The following ADARB2 variants were observed in gnomAD, a reference collection of about 807,000 sequenced individuals.
ADARB2 encodes inactive double-stranded RNA-specific editase B2.
A neutral mutation model predicts 62.2 loss-of-function variants in ADARB2; 25 were observed. That is an observed-to-expected ratio of 0.40 (90% CI 0.29 to 0.56). The LOEUF (loss-of-function observed/expected upper bound fraction) is 0.56, where lower values mean the gene tolerates loss of function less well. Among genes scored for constraint, ADARB2 ranks in the 20% least tolerant of loss-of-function variants. ADARB2 has a pLI of 0.43. For synonymous variants in ADARB2, 572 were observed against 500.8 expected (o/e 1.14, Z -1.90); for missense variants, 1,071 against 1,077.4 (o/e 0.99, Z 0.08).
chr10:1,302,270 C>T (rs532923629), intron 3 of ADARB2, among the ~76,000 whole-genome samples: 4 of 152,282 alleles, frequency 2.6e-5, no homozygotes, highest in African/African-American at 4.8e-5. Flanking sequence ...GGGTGACGGA[C>T]GGCACCTGGA....
Position 1,398,943 on chromosome 10 carries a change from T to G in ADARB2, c.101-19783A>C, listed in dbSNP as rs1243126956. Reference sequence around the variant, plus strand: ...AACCACCGAAGAGCCTTCCAGGGACTTCTAAGAGTGGGCACTTACTTCAGC... The same window carrying G: ...AACCACCGAAGAGCCTTCCAGGGACGTCTAAGAGTGGGCACTTACTTCAGC... On this transcript the variant is annotated intron_variant, in intron 1 of 9. Transcript: ENST00000381312. This position sits in a 1 kb window ranked among gnomAD's most constrained non-coding sequence, Gnocchi z 4.1. Among the ~76,000 whole-genome samples the G allele has an allele frequency of 6.6e-6, 1 of 152,154 alleles. No individual in the cohort carries two copies. Among genetic ancestry groups the G allele is most frequent in the Non-Finnish European group, 1.5e-5 (1 of 68,016 alleles).
At chr10:1,428,902 C>T (rs775257891) in intron 1 of ADARB2, among the ~76,000 whole-genome samples, 1 of 151,862 alleles carries the variant, frequency 6.6e-6, no homozygotes, top group Non-Finnish European at 1.5e-5. Flanking sequence ...CACACACGGA[C>T]AAGGAAACAA....
chr10:1,714,246 G>A (rs11250757), intron 1 of ADARB2, among the ~76,000 whole-genome samples: 19,744 of 152,276 alleles, frequency 0.13, 1,634 homozygotes, highest in Non-Finnish European at 0.18. Context: ...TGCGTTCGCA[G>A]CTGTCATTGT....
chr10:1,317,755 G>GT (rs138170656), intron 3 of ADARB2, among the ~76,000 whole-genome samples: 4,336 of 148,662 alleles, frequency 0.029, 94 homozygotes, highest in Admixed American at 0.047. Flanking sequence ...GTAGGCCTGG[G>GT]GGGGGGTGGG....
rs181749595 is a variant in ADARB2, at chr10:1,487,956, T to C, written c.101-108796A>G. Among the ~76,000 whole-genome samples the C allele has an allele frequency of 6.8e-4, 104 of 152,336 alleles. No homozygotes were observed. In the East Asian group the frequency reaches 9.1e-3, roughly 13 times the overall value. On this transcript the variant is annotated intron_variant, in intron 1 of 9. Transcript: ENST00000381312. ...GAAAGGGAATTTGTTGAATTTACAATGAATTAGAGTCTTTCCATTGTACTA... is the reference window on the plus strand; with the variant it reads ...GAAAGGGAATTTGTTGAATTTACAACGAATTAGAGTCTTTCCATTGTACTA...
At chr10:1,567,347 G>A (rs1832872487) in intron 1 of ADARB2, among the ~76,000 whole-genome samples, 1 of 152,228 alleles carries the variant, frequency 6.6e-6, no homozygotes, top group Non-Finnish European at 1.5e-5. Context: ...GAGCTCGCAG[G>A]CGTGAACCCA....
At chr10:1,628,248 C>T (rs1833796312) in intron 1 of ADARB2, among the ~76,000 whole-genome samples, 2 of 152,192 alleles carry the variant, frequency 1.3e-5, no homozygotes, top group Admixed American at 6.5e-5. Flanking sequence ...GCGAGGGGGC[C>T]TCATCAGTAC....
Position 1,713,463 on chromosome 10 carries a change from T to C in ADARB2, c.100+23588A>G, listed in dbSNP as rs150360436. On this transcript the variant is annotated intron_variant, in intron 1 of 9. Transcript: ENST00000381312. ...TGAAGGAGGTGGGAAAGGAGCCCAG[T>C]GCACTCTTGATAAATACAAACAGAG... Among the ~76,000 whole-genome samples the C allele has an allele frequency of 2.1e-3, 327 of 152,286 alleles. 3 individuals are homozygous for C. The highest frequency in any genetic ancestry group is 1.7e-3 in the Non-Finnish European group (117 of 68,022).
intron 1 of ADARB2, among the ~76,000 whole-genome samples, chr10:1,506,557 G>C (rs1332003726): frequency 2.6e-5 from 4 of 152,228 alleles, no homozygotes; most frequent in Non-Finnish European, 5.9e-5. Context: ...TGCTAAGAAC[G>C]GTAGCTCTAT....
At chr10:1,487,722 G>A (rs1831561454) in intron 1 of ADARB2, among the ~76,000 whole-genome samples, 1 of 152,156 alleles carries the variant, frequency 6.6e-6, no homozygotes, top group Non-Finnish European at 1.5e-5. Flanking sequence ...GCAAAAAGAT[G>A]TTTGTTTTGC....
intron 1 of ADARB2, among the ~76,000 whole-genome samples, chr10:1,616,430 T>C (rs1250429068): frequency 2.1e-3 from 260 of 121,740 alleles, no homozygotes; most frequent in Middle Eastern, 0.02. Context: ...CCTCAGAGGG[T>C]TGCATTCTGT....
intron 1 of ADARB2, among the ~76,000 whole-genome samples, chr10:1,524,283 A>G (rs1162989198): frequency 6.6e-6 from 1 of 152,234 alleles, no homozygotes; most frequent in Admixed American, 6.5e-5. Context: ...AGGTGTTTTG[A>G]TGCCTATGGA....
chr10:1,441,244 C>T (rs997988619), intron 1 of ADARB2, among the ~76,000 whole-genome samples: 1 of 152,134 alleles, frequency 6.6e-6, no homozygotes, highest in African/African-American at 2.4e-5. Flanking sequence ...ATATGTCTAG[C>T]AAAATCTTTT....
At chr10:1,266,015 G>A (rs1347625266) in intron 4 of ADARB2, among the ~76,000 whole-genome samples, 3 of 125,498 alleles carry the variant, frequency 2.4e-5, no homozygotes, top group Non-Finnish European at 3.3e-5. Context: ...AAGACGGCCT[G>A]AGAGGGGGGC....
At chr10:1,460,083 G>A (rs71500106) in intron 1 of ADARB2, among the ~76,000 whole-genome samples, 550 of 24,306 alleles carry the variant, frequency 0.023, 15 homozygotes, top group African/African-American at 0.057. Flanking sequence ...CCTGCGTAAC[G>A]AACCTGCCTG....
At chr10:1,540,628 TCACAG>T in intron 1 of ADARB2, among the ~76,000 whole-genome samples, 2 of 85,704 alleles carry the variant, frequency 2.3e-5, no homozygotes, top group African/African-American at 8.3e-5. Context: ...GGACCCTGGA[TCACAG>T]CCGTCCAGAC....
chr10:1,535,301 C>T (rs1832314900), intron 1 of ADARB2, among the ~76,000 whole-genome samples: 1 of 152,180 alleles, frequency 6.6e-6, no homozygotes, highest in African/African-American at 2.4e-5. Flanking sequence ...CTAACAAAAT[C>T]TTCAGACGAG....
intron 4 of ADARB2, among the ~76,000 whole-genome samples, chr10:1,252,704 A>G (rs76519261): frequency 0.027 from 4,014 of 151,130 alleles, 62 homozygotes; most frequent in Middle Eastern, 0.051. Flanking sequence ...TCCATTCTCT[A>G]TATTTCCTCT....
intron 1 of ADARB2, chr10:1,556,478 C>G (rs1187174015): frequency 2.8e-6 from 1 of 359,536 alleles, no homozygotes; most frequent in African/African-American, 2.1e-5. Context: ...ATATTCCCTT[C>G]CCTCTTACTC....
Sources: gnomAD v4.1 joint callset for allele counts (sites outside exome capture counted in the v4.1 genomes callset) on GRCh38, gnomAD v4.1.1 for gene constraint, Gnocchi (gnomAD v3.1) non-coding constraint, MANE v1.5 for transcripts, NCBI Gene and HGNC (gene_info 2026-07-23, HGNC 2026-07-21) for gene names.